The following INPP4B variants were observed in gnomAD, a reference collection of about 807,000 sequenced individuals.
INPP4B encodes inositol polyphosphate 4-phosphatase type II.
A neutral mutation model predicts 122.5 loss-of-function variants in INPP4B; 55 were observed. The observed-to-expected ratio is 0.45, with a 90% confidence interval of 0.36 to 0.56. INPP4B has a LOEUF of 0.56. Among genes scored for constraint, INPP4B ranks in the 20% least tolerant of loss-of-function variants. The pLI is 0.00. For synonymous variants in INPP4B, 403 were observed against 388.7 expected (o/e 1.04, Z -0.43); for missense variants, 1,000 against 1,097.7 (o/e 0.91, Z 1.26).
chr4:142,358,872 T>C (rs533373468), intron 7 of INPP4B, among the ~76,000 whole-genome samples: 15 of 152,094 alleles, frequency 9.9e-5, no homozygotes, highest in South Asian at 4.1e-4. Context: ...TTGCTGTGTC[T>C]CAACTGAGCA....
chr4:142,772,938 T>C (rs1485988850), intron 1 of INPP4B, among the ~76,000 whole-genome samples: 1 of 151,982 alleles, frequency 6.6e-6, no homozygotes. Context: ...CCCAACTACT[T>C]GATAGGCTGA....
intron 2 of INPP4B, among the ~76,000 whole-genome samples, chr4:142,532,244 T>A (rs1033847230): frequency 6.6e-6 from 1 of 152,140 alleles, no homozygotes; most frequent in Admixed American, 6.6e-5. Context: ...GGCCTCTCCA[T>A]CCACTTCAGC....
chr4:142,260,048 G>A (rs1366952394), intron 11 of INPP4B, among the ~76,000 whole-genome samples: 2 of 152,088 alleles, frequency 1.3e-5, no homozygotes, highest in Non-Finnish European at 2.9e-5. Flanking sequence ...GCAGTGGCGC[G>A]ATCTCGGCTC....
At chr4:142,750,312 G>GA (rs1769480817) in intron 1 of INPP4B, among the ~76,000 whole-genome samples, 1 of 152,070 alleles carries the variant, frequency 6.6e-6, no homozygotes, top group African/African-American at 2.4e-5. Context: ...TATAGAGACT[G>GA]AAAAATACAG....
intron 10 of INPP4B, among the ~76,000 whole-genome samples, chr4:142,267,831 A>G (rs1487437249): frequency 1.3e-5 from 2 of 152,170 alleles, no homozygotes; most frequent in Non-Finnish European, 2.9e-5. Flanking sequence ...GCTAATATTC[A>G]AAATATATAA....
intron 1 of INPP4B, among the ~76,000 whole-genome samples, chr4:142,749,017 A>G: frequency 6.6e-6 from 1 of 151,532 alleles, no homozygotes; most frequent in East Asian, 1.9e-4. Context: ...ACACATACCC[A>G]TAATCCCAGC....
intron 2 of INPP4B, among the ~76,000 whole-genome samples, chr4:142,481,555 T>C (rs1476873876): frequency 6.6e-6 from 1 of 152,158 alleles, no homozygotes; most frequent in African/African-American, 2.4e-5. Context: ...TGTTAGAGAT[T>C]TTATAATATT....
intron 23 of INPP4B, among the ~76,000 whole-genome samples, chr4:142,098,566 G>T (rs946696669): frequency 9.2e-5 from 14 of 152,120 alleles, no homozygotes; most frequent in Admixed American, 2.0e-4. Flanking sequence ...TAGTAGCAAT[G>T]CAGGTGGTGA....
intron 2 of INPP4B, among the ~76,000 whole-genome samples, chr4:142,500,384 A>G (rs1823212103): frequency 6.6e-6 from 1 of 152,174 alleles, no homozygotes; most frequent in African/African-American, 2.4e-5. Flanking sequence ...TTTTATCAGG[A>G]GCAATAGTAA....
rs114919606 is a variant in INPP4B at position 142,220,081 on chromosome 4, T to C, written c.837-11055A>G. Among the ~76,000 whole-genome samples, 1,523 of 152,328 alleles carry C rather than the reference T, an allele frequency of 1.0e-2. 29 individuals are homozygous for C. Among genetic ancestry groups the C allele is most frequent in the African/African-American group, 0.035 (1,453 of 41,574 alleles). On this transcript the variant is annotated intron_variant, in intron 12 of 25. Transcript: ENST00000262992. Reference sequence around the variant, plus strand: ...AATGTTCTTTTGGACAATATCACTCTACACAAATGACTGAGAAGTACAGTG... The same window carrying C: ...AATGTTCTTTTGGACAATATCACTCCACACAAATGACTGAGAAGTACAGTG...
intron 2 of INPP4B, among the ~76,000 whole-genome samples, chr4:142,700,442 C>T (rs1326967051): frequency 6.6e-6 from 1 of 152,130 alleles, no homozygotes; most frequent in Non-Finnish European, 1.5e-5. Context: ...TCAACTCAAT[C>T]TATAGGAATT....
chr4:142,346,970 T>C (rs1780494782), intron 7 of INPP4B, among the ~76,000 whole-genome samples: 1 of 152,060 alleles, frequency 6.6e-6, no homozygotes, highest in African/African-American at 2.4e-5. Flanking sequence ...ATACTGATAT[T>C]CTCTATTTGC....
rs1369264698 is a variant in INPP4B, at chr4:142,112,631, T to C, written c.2187A>G (p.Leu729=). 1 of 1,612,920 alleles carries C rather than the reference T, an allele frequency of 6.2e-7. No homozygotes were observed. Among genetic ancestry groups the C allele is most frequent in the African/African-American group, 1.3e-5 (1 of 74,852 alleles). ...VKLPARMFES[L]PLQIKEGQLL... ...ACTGTCCTTCTTTAATCTGTAGAGG[T>C]AGTGACTCAAACATTCTGGCTGGAA... Residue 729 remains leucine, a synonymous_variant, in exon 22 of 26, where the codon CTA becomes CTG. Coordinates refer to ENST00000262992, the MANE Select transcript of INPP4B (RefSeq NM_001101669.3).
At chr4:142,290,046 C>G (rs1282169370) in intron 9 of INPP4B, among the ~76,000 whole-genome samples, 1 of 151,988 alleles carries the variant, frequency 6.6e-6, no homozygotes, top group African/African-American at 2.4e-5. Flanking sequence ...GTCTTCTGAT[C>G]CCAACACAGC....
chr4:142,727,941 T>C (rs192819400), intron 1 of INPP4B, among the ~76,000 whole-genome samples: 55 of 152,208 alleles, frequency 3.6e-4, no homozygotes, highest in Non-Finnish European at 4.0e-4. Flanking sequence ...TCAGCGCTAT[T>C]TGGTCTAAGA....
intron 8 of INPP4B, among the ~76,000 whole-genome samples, chr4:142,309,214 T>A (rs781065364): frequency 1.1e-4 from 16 of 152,174 alleles, no homozygotes; most frequent in Non-Finnish European, 1.8e-4. Flanking sequence ...GTATCTAATG[T>A]GCAGCTTAAA....
intron 1 of INPP4B, among the ~76,000 whole-genome samples, chr4:142,792,649 A>G (rs1240757934): frequency 6.6e-6 from 1 of 152,030 alleles, no homozygotes; most frequent in Non-Finnish European, 1.5e-5. Flanking sequence ...CCATATTCTC[A>G]TTAATTTTAG....
At chr4:142,504,644 A>G (rs542309155) in intron 2 of INPP4B, among the ~76,000 whole-genome samples, 16 of 152,248 alleles carry the variant, frequency 1.1e-4, no homozygotes, top group African/African-American at 3.8e-4. Flanking sequence ...ATACTACACA[A>G]TAGGAGATTA....
intron 7 of INPP4B, among the ~76,000 whole-genome samples, chr4:142,343,609 G>C (rs2646085): frequency 0.28 from 42,048 of 151,738 alleles, 7,223 homozygotes; most frequent in Non-Finnish European, 0.39. Flanking sequence ...AGAAATCCTA[G>C]CTGATCTAAC....
Sources: gnomAD v4.1 joint callset for allele counts (sites outside exome capture counted in the v4.1 genomes callset) on GRCh38, gnomAD v4.1.1 for gene constraint, MANE v1.5 for transcripts, NCBI Gene and HGNC (gene_info 2026-07-23, HGNC 2026-07-21) for gene names.